SFXN2: variants seen among roughly 807,000 people sequenced by gnomAD.
The protein encoded by SFXN2 is sideroflexin-2.
SFXN2 carries 37 observed loss-of-function variants against 41.9 expected under a neutral mutation model. The observed-to-expected ratio is 0.88, with a 90% CI of 0.68 to 1.16. SFXN2 has a LOEUF of 1.16. SFXN2 is among the 50% of genes most tolerant of loss of function. The pLI is 0.00. For synonymous variants in SFXN2, 150 were observed against 156.7 expected (o/e 0.96, Z 0.32); for missense variants, 386 against 425.2 (o/e 0.91, Z 0.81).
At chr10:102,730,177 G>A (rs1012106794) in intron 6 of SFXN2, among the ~76,000 whole-genome samples, 1 of 152,166 alleles carries the variant, frequency 6.6e-6, no homozygotes, top group African/African-American at 2.4e-5. Flanking sequence ...AGCAGGCTGA[G>A]GTGTCTAAAG....
At position 102,726,656 on chromosome 10, in the gene SFXN2, G is replaced by A. The variant is rs1192207931; in HGVS notation, c.20G>A (p.Gly7Asp). The stretch of plus-strand genomic sequence containing the variant: ...AGCAAGATGGAGGCTGACCTGTCTG[G>A]CTTTAACATCGATGCCCCCCGTTGG... MEADLS[G>D]FNIDAPRWDQ... is the part of the protein sequence containing the mutation. Residue 7 changes from glycine (G) to aspartate (D), a missense_variant, in exon 2 of 12, where the codon GGC (glycine) becomes GAC (aspartate). Transcript: ENST00000369893. The A allele has an allele frequency of 7.4e-6, 12 of 1,614,078 alleles. No individual in the cohort carries two copies. Among genetic ancestry groups the A allele is most frequent in the Non-Finnish European group, 1.0e-5 (12 of 1,180,050 alleles).
At chr10:102,730,562 C>T (rs2064686902) in intron 6 of SFXN2, among the ~76,000 whole-genome samples, 1 of 152,224 alleles carries the variant, frequency 6.6e-6, no homozygotes, top group Non-Finnish European at 1.5e-5. Flanking sequence ...TTCATCTTTC[C>T]TTCCCCATCC....
intron 11 of SFXN2, among the ~76,000 whole-genome samples, chr10:102,737,337 T>C (rs1383985473): frequency 6.6e-6 from 1 of 152,084 alleles, no homozygotes; most frequent in East Asian, 1.9e-4. Flanking sequence ...CAAGTGTAGC[T>C]TGAATATATA....
intron 11 of SFXN2, among the ~76,000 whole-genome samples, chr10:102,737,026 T>C (rs1186503437): frequency 6.6e-6 from 1 of 151,994 alleles, no homozygotes; most frequent in Middle Eastern, 3.2e-3. Context: ...TGGTGGTGCA[T>C]GCCTGTAATC....
At chr10:102,725,970 G>A (rs541271098) in intron 1 of SFXN2, among the ~76,000 whole-genome samples, 1 of 152,262 alleles carries the variant, frequency 6.6e-6, no homozygotes, top group East Asian at 1.9e-4. Context: ...CCAAGATGGA[G>A]TCTTGCTCTG....
At position 102,738,718 on chromosome 10, in the gene SFXN2, C is replaced by A. The variant is rs979681130; in HGVS notation, c.*956C>A. On this transcript the variant is annotated 3_prime_UTR_variant, in exon 12 of 12. Transcript: ENST00000369893. Reference sequence around the variant, plus strand: ...CATGGTTCTTCAAATCATGTCTGAACCTATTCTTGGAATCTTCTCTATAAT... The same window carrying A: ...CATGGTTCTTCAAATCATGTCTGAAACTATTCTTGGAATCTTCTCTATAAT... The A allele has an allele frequency of 2.0e-5, 3 of 152,212 alleles. No individual in the cohort carries two copies. The highest frequency in any genetic ancestry group is 4.4e-5 in the Non-Finnish European group (3 of 68,020). The allele number at this position is 152,212 out of a possible 1,614,324, so 9.4% of individuals were successfully genotyped here.
rs1361119725 is a variant in SFXN2 at position 102,728,195 on chromosome 10, A to AG, written c.333-234dup. 2.0e-5 allele frequency among the ~76,000 whole-genome samples: 3 copies of AG among 152,288 alleles called. No individual in the cohort carries two copies. The East Asian group carries it at 5.8e-4, about 29-fold the overall frequency. On this transcript the variant is annotated intron_variant, in intron 3 of 11. Coordinates refer to ENST00000369893, the MANE Select transcript of SFXN2 (RefSeq NM_178858.6). ...GTGCCTGTAGTCCCAGCCACTTGGG[A>AG]GGCTGAGACAGGAGAATTGCTTGAA...
chr10:102,723,045 C>T (rs1348624854), intron 1 of SFXN2, among the ~76,000 whole-genome samples: 1 of 148,296 alleles, frequency 6.7e-6, no homozygotes, highest in South Asian at 2.2e-4. Flanking sequence ...ATTCCTCCCA[C>T]ATCAGCCTCC....
intron 6 of SFXN2, 109 bp from the exon 7 acceptor site, chr10:102,731,614 G>A: frequency 3.6e-6 from 3 of 829,532 alleles, no homozygotes; most frequent in Non-Finnish European, 6.1e-6. Context: ...GCTACAGGAG[G>A]TGGCTTCCTG....
intron 3 of SFXN2, 99 bp downstream of exon 3, chr10:102,727,256 C>G: frequency 7.6e-7 from 1 of 1,318,144 alleles, no homozygotes; most frequent in Non-Finnish European, 1.0e-6. Flanking sequence ...TGATTGGTCA[C>G]TTACCAGATA....
At chr10:102,733,102 C>G (rs2064726995) in intron 9 of SFXN2, among the ~76,000 whole-genome samples, 194 bp downstream of exon 9, 1 of 152,106 alleles carries the variant, frequency 6.6e-6, no homozygotes, top group Admixed American at 6.6e-5. Flanking sequence ...ACCTGGTCTG[C>G]AGAGAACAAG....
At chr10:102,719,456 T>C (rs1417368986) in intron 1 of SFXN2, among the ~76,000 whole-genome samples, 3 of 151,332 alleles carry the variant, frequency 2.0e-5, no homozygotes, top group African/African-American at 7.3e-5. Context: ...CTCAAACCCC[T>C]GACCTCAGGT....
intron 11 of SFXN2, among the ~76,000 whole-genome samples, chr10:102,736,175 G>C (rs1011696979): frequency 3.3e-5 from 5 of 152,202 alleles, no homozygotes; most frequent in African/African-American, 1.2e-4. Context: ...AAGAGAAGGT[G>C]GGGGAGCAAC....
intron 4 of SFXN2, 112 bp from the exon 5 acceptor site, chr10:102,729,207 C>G: frequency 1.1e-6 from 1 of 930,530 alleles, no homozygotes; most frequent in East Asian, 2.5e-5. Flanking sequence ...GGGGACAGAT[C>G]CTGTGCGGTT....
intron 1 of SFXN2, among the ~76,000 whole-genome samples, chr10:102,721,937 T>G (rs1481808456): frequency 1.3e-5 from 2 of 152,208 alleles, no homozygotes; most frequent in East Asian, 3.8e-4. Flanking sequence ...TCCGCTTCTT[T>G]GAAAGATTCT....
At chr10:102,718,857 C>G (rs2064457543) in intron 1 of SFXN2, among the ~76,000 whole-genome samples, 1 of 151,760 alleles carries the variant, frequency 6.6e-6, no homozygotes, top group Non-Finnish European at 1.5e-5. Flanking sequence ...CTGTCTCCAC[C>G]TCCTTTCTCT....
intron 1 of SFXN2, chr10:102,717,909 C>A: frequency 1.9e-6 from 1 of 538,910 alleles, no homozygotes; most frequent in Non-Finnish European, 2.4e-6. Flanking sequence ...CAGTCAATGA[C>A]AAGAAGGTGA....
At position 102,726,999 on chromosome 10, in the gene SFXN2, GC is replaced by G; in HGVS notation, c.179del (p.Pro60GlnfsTer27). The G allele has an allele frequency of 1.9e-6, 3 of 1,598,388 alleles. No homozygotes were observed. The highest frequency in any genetic ancestry group is 2.6e-6 in the Non-Finnish European group (3 of 1,167,526). ...CCTTGGGTGGCAGGATGGGGGTTGT[GC>G]CCCCAGGCACCCAAGTGGAGCAGCT... is the stretch of plus-strand genomic sequence containing the variant. ...MVEKSRMGVV[P>X]PGTQVEQLLY... On this transcript the variant is annotated frameshift_variant, in exon 3 of 12. Transcript: ENST00000369893. LOFTEE classifies it high-confidence loss of function.
At chr10:102,723,906 T>C (rs1490613088) in intron 1 of SFXN2, among the ~76,000 whole-genome samples, 2 of 152,226 alleles carry the variant, frequency 1.3e-5, no homozygotes, top group East Asian at 3.8e-4. Flanking sequence ...ACTGGGGTTG[T>C]ACAGATTGTT....
Sources: gnomAD v4.1 joint callset for allele counts (sites outside exome capture counted in the v4.1 genomes callset) on GRCh38, gnomAD v4.1.1 for gene constraint, MANE v1.5 for transcripts, NCBI Gene and HGNC (gene_info 2026-07-23, HGNC 2026-07-21) for gene names.